RECQL: variants seen among roughly 807,000 people sequenced by gnomAD.
RECQL encodes ATP-dependent DNA helicase Q1.
In RECQL, 73 loss-of-function variants were observed where a neutral mutation model predicts 75.8. The observed-to-expected ratio is 0.96, with a 90% CI of 0.80 to 1.17. The LOEUF is 1.17. Ranked by LOEUF, RECQL falls within the 50% of genes most tolerant of loss-of-function variation. The pLI is 0.00. For missense variants in RECQL, 699 were observed against 772.1 expected, an observed-to-expected ratio of 0.91 and a Z score of 1.12; for synonymous variants, 248 against 254.4, an observed-to-expected ratio of 0.97 and a Z score of 0.24.
chr12:21,491,531 A>G lies in RECQL; in HGVS notation c.202T>C (p.Trp68Arg), dbSNP rs2136754568. The G allele has an allele frequency of 6.3e-7, 1 of 1,593,440 alleles. No individual in the cohort carries two copies. The highest frequency in any genetic ancestry group is 8.5e-7 in the Non-Finnish European group (1 of 1,174,378). Reference protein sequence around the residue: ...SNEYDSSPAAWNKEDFPWSGK... With the variant: ...SNEYDSSPAARNKEDFPWSGK... The stretch of plus-strand genomic sequence containing the variant: ...AAAAAAAGTTAACCTTCTTTATTCC[A>G]AGCGGCAGGTGAAGAATCATATTCA... The change falls in exon 3 of 15, where the codon TGG becomes CGG. Residue 68 changes from tryptophan (W) to arginine (R), a missense_variant. Around this residue, in one of 2 missense-constraint regions of RECQL, gnomAD observed 669 missense variants for 713.5 expected, o/e 0.94. Transcript: ENST00000444129.
At chr12:21,499,024 T>C (rs1943557360) in intron 2 of RECQL, among the ~76,000 whole-genome samples, 1 of 152,170 alleles carries the variant, frequency 6.6e-6, no homozygotes, top group South Asian at 2.1e-4. Context: ...GAAATGAGCA[T>C]CACCCAAAGA....
intron 2 of RECQL, among the ~76,000 whole-genome samples, chr12:21,497,337 C>T (rs902859063): frequency 6.6e-6 from 1 of 152,248 alleles, no homozygotes; most frequent in Non-Finnish European, 1.5e-5. Flanking sequence ...AAAATGCAGA[C>T]CTAATTTACA....
intron 2 of RECQL, among the ~76,000 whole-genome samples, chr12:21,493,988 G>C (rs1411792055): frequency 6.6e-6 from 1 of 152,186 alleles, no homozygotes; most frequent in Non-Finnish European, 1.5e-5. Flanking sequence ...ATTTATAAAA[G>C]AAAAGAAGTT....
chr12:21,499,348 G>A (rs1273289032), intron 2 of RECQL, among the ~76,000 whole-genome samples: 1 of 152,162 alleles, frequency 6.6e-6, no homozygotes, highest in African/African-American at 2.4e-5. Flanking sequence ...GGTGACGACT[G>A]CACAACAGTC....
At chr12:21,484,527 A>G (rs1402259666) in intron 5 of RECQL, among the ~76,000 whole-genome samples, 2 of 152,152 alleles carry the variant, frequency 1.3e-5, no homozygotes, top group African/African-American at 4.8e-5. Flanking sequence ...CATGGAGTTT[A>G]AATAAAACAA....
chr12:21,492,920 T>G (rs1943440506), intron 2 of RECQL, among the ~76,000 whole-genome samples: 1 of 152,222 alleles, frequency 6.6e-6, no homozygotes, highest in African/African-American at 2.4e-5. Flanking sequence ...AGCTTCCAGC[T>G]CATCCATACC....
chr12:21,494,575 T>C (rs1943470281), intron 2 of RECQL, among the ~76,000 whole-genome samples: 1 of 152,098 alleles, frequency 6.6e-6, no homozygotes, highest in African/African-American at 2.4e-5. Flanking sequence ...AAAACAGGTA[T>C]AGAGTCCAGT....
intron 12 of RECQL, 61 bp downstream of exon 12, chr12:21,473,490 C>G: frequency 8.0e-7 from 1 of 1,256,094 alleles, no homozygotes; most frequent in East Asian, 2.4e-5. Context: ...CAGAACGTAT[C>G]TCTGTCACTA....
In RECQL at chr12:21,477,790, A is replaced by G. The variant is rs769492379; in HGVS notation, c.867+13T>C. On this transcript the variant is annotated intron_variant, in intron 7 of 14. Transcript: ENST00000444129. The stretch of plus-strand genomic sequence containing the variant: ...CTTCACAAAAGTAAGGAATTGACAT[A>G]AAAATTACATACCTCATAATATAGA... 4 of 1,585,044 alleles carry G rather than the reference A, an allele frequency of 2.5e-6. No individual in the cohort carries two copies. Among genetic ancestry groups the G allele is most frequent in the East Asian group, 4.5e-5 (2 of 44,546 alleles).
At chr12:21,483,894 T>A (rs1943241084) in intron 5 of RECQL, among the ~76,000 whole-genome samples, 1 of 152,166 alleles carries the variant, frequency 6.6e-6, no homozygotes. Flanking sequence ...TTGTTCATAA[T>A]ATATTCTAAA....
chr12:21,483,382 T>G lies in RECQL; in HGVS notation c.694A>C (p.Arg232=), dbSNP rs747710330. ...HCCSQWGHDF[R]PDYKALGILK... is the part of the protein sequence containing the mutation. ...CTAGATAAAACATACATACCAGGTC[T>G]GAAATCATGTCCCCACTGACTACAG... The change falls in exon 6 of 15, where the codon AGA becomes CGA. Residue 232 remains arginine, a synonymous_variant. Transcript: ENST00000444129. 1.1e-5 allele frequency: 17 copies of G among 1,600,664 alleles called. No homozygotes were observed. Among genetic ancestry groups the G allele is most frequent in the Non-Finnish European group, 1.4e-5 (17 of 1,175,562 alleles).
chr12:21,491,131 A>C (rs1476899127), intron 3 of RECQL, among the ~76,000 whole-genome samples: 2 of 152,168 alleles, frequency 1.3e-5, no homozygotes, highest in Non-Finnish European at 2.9e-5. Flanking sequence ...TTCTATTTAT[A>C]ATTGATAAAC....
intron 4 of RECQL, among the ~76,000 whole-genome samples, chr12:21,488,712 T>C (rs938526191): frequency 6.6e-6 from 1 of 152,142 alleles, no homozygotes; most frequent in Admixed American, 6.5e-5. Flanking sequence ...CCCCAAGCAA[T>C]AAATACCAAG....
chr12:21,499,466 A>G (rs1943565765), intron 2 of RECQL, 89 bp downstream of exon 2: 1 of 1,218,578 alleles, frequency 8.2e-7, no homozygotes, highest in Middle Eastern at 2.0e-4. Flanking sequence ...TCATTTCTAT[A>G]ATCAGAATTT....
At chr12:21,490,120 A>T (rs1943380352) in intron 4 of RECQL, 79 bp downstream of exon 4, 4 of 728,282 alleles carry the variant, frequency 5.5e-6, no homozygotes, top group Non-Finnish European at 8.4e-6. Flanking sequence ...GTATGATTAT[A>T]AATTATTTTT....
At chr12:21,495,225 C>T (rs1208613451) in intron 2 of RECQL, among the ~76,000 whole-genome samples, 4 of 152,176 alleles carry the variant, frequency 2.6e-5, no homozygotes, top group Non-Finnish European at 5.9e-5. Context: ...GACTCAACCA[C>T]ACAGCTAAAA....
rs983388498 is a variant in RECQL at position 21,487,503 on chromosome 12, G to A, written c.395-918C>T. 5.9e-5 allele frequency among the ~76,000 whole-genome samples: 9 copies of A among 152,240 alleles called. 1 individual carries two copies. The highest frequency in any genetic ancestry group is 3.4e-3 in the Middle Eastern group (1 of 294). ...CAGTTAAAATTATATATGGCTTTAC[G>A]TTTCTGTAGTTTGTTTCTTAAAACA... is the stretch of plus-strand genomic sequence containing the variant. On this transcript the variant is annotated intron_variant, in intron 4 of 14. Coordinates refer to ENST00000444129, the MANE Select transcript of RECQL (RefSeq NM_002907.4).
chr12:21,484,076 C>T (rs1278281543), intron 5 of RECQL, among the ~76,000 whole-genome samples: 4 of 152,038 alleles, frequency 2.6e-5, no homozygotes, highest in East Asian at 3.9e-4. Context: ...TGGGGTTTCA[C>T]AAAGTATCAC....
chr12:21,500,120 C>T (rs1943580287), intron 1 of RECQL, among the ~76,000 whole-genome samples: 1 of 152,170 alleles, frequency 6.6e-6, no homozygotes. Context: ...AAGCAAAATA[C>T]ATCAACATAA....
Sources: gnomAD v4.1 joint callset for allele counts (sites outside exome capture counted in the v4.1 genomes callset) on GRCh38, gnomAD v4.1.1 for gene constraint, gnomAD v4.1.1 regional missense constraint, MANE v1.5 for transcripts, NCBI Gene and HGNC (gene_info 2026-07-23, HGNC 2026-07-21) for gene names.